PIP5K1B: variants seen among roughly 807,000 people sequenced by gnomAD.
PIP5K1B encodes phosphatidylinositol 4-phosphate 5-kinase type-1 beta.
In PIP5K1B, 42 loss-of-function variants were observed where a neutral mutation model predicts 67.0. The ratio of observed to expected loss-of-function variants is 0.63; its 90% CI spans 0.49 to 0.81. The LOEUF (loss-of-function observed/expected upper bound fraction) is 0.81, where lower values mean the gene tolerates loss of function less well. Among genes scored for constraint, PIP5K1B ranks in the 30% least tolerant of loss-of-function variants. The pLI is 0.00. For missense variants in PIP5K1B, 459 were observed against 646.3 expected, an observed-to-expected ratio of 0.71 and a Z score of 3.14; for synonymous variants, 214 against 231.4, an observed-to-expected ratio of 0.92 and a Z score of 0.68.
intron 15 of PIP5K1B, among the ~76,000 whole-genome samples, chr9:68,999,485 A>C (rs1420484329): frequency 6.6e-6 from 1 of 152,222 alleles, no homozygotes. Flanking sequence ...CAGGTAAATG[A>C]CTATATGAAC....
intron 4 of PIP5K1B, among the ~76,000 whole-genome samples, chr9:68,834,782 A>G (rs1327720867): frequency 6.6e-6 from 1 of 152,156 alleles, no homozygotes; most frequent in Admixed American, 6.5e-5. Flanking sequence ...CTGTTTCAAA[A>G]TGGTAGTGAT....
intron 14 of PIP5K1B, among the ~76,000 whole-genome samples, chr9:68,974,792 G>A (rs1031556958): frequency 3.9e-5 from 6 of 152,226 alleles, no homozygotes; most frequent in African/African-American, 1.2e-4. Flanking sequence ...CTGTGAGAGC[G>A]AAGCTGCTTT....
At chr9:68,997,300 G>T (rs1302874186) in intron 15 of PIP5K1B, among the ~76,000 whole-genome samples, 2 of 152,212 alleles carry the variant, frequency 1.3e-5, no homozygotes, top group African/African-American at 4.8e-5. Flanking sequence ...TTCTGGATTT[G>T]AATCCCTCAG....
intron 1 of PIP5K1B, among the ~76,000 whole-genome samples, chr9:68,715,265 A>T (rs919098012): frequency 2.6e-5 from 4 of 152,200 alleles, no homozygotes; most frequent in African/African-American, 9.6e-5. Context: ...AAGCACAGGG[A>T]TCTGCCCCAG....
intron 2 of PIP5K1B, among the ~76,000 whole-genome samples, chr9:68,773,908 T>C (rs948791160): frequency 3.9e-5 from 6 of 152,210 alleles, no homozygotes; most frequent in Admixed American, 2.0e-4. Flanking sequence ...AATAACCAAG[T>C]AAGTTCTTGG....
rs74595654 is a variant in PIP5K1B, at chr9:68,744,006, G to C, written c.-86+1349G>C. Among the ~76,000 whole-genome samples, 769 of 152,298 alleles carry C rather than the reference G, an allele frequency of 5.0e-3. 8 individuals are homozygous for C. The highest frequency in any genetic ancestry group is 0.018 in the African/African-American group (736 of 41,564). On this transcript the variant is annotated intron_variant, in intron 2 of 15. Transcript: ENST00000265382. ...CAGGAGGATCAGGGCTGAGCTTAGT[G>C]GGGGTTCTTGGTGATAGGGATTCCT...
At chr9:68,754,151 G>C (rs1254041186) in intron 2 of PIP5K1B, among the ~76,000 whole-genome samples, 1 of 135,470 alleles carries the variant, frequency 7.4e-6, no homozygotes, top group Non-Finnish European at 1.6e-5. Context: ...ATTAATTTAA[G>C]TCTTCTTTTA....
intron 2 of PIP5K1B, among the ~76,000 whole-genome samples, chr9:68,817,722 T>TTC (rs1277533662): frequency 2.0e-5 from 3 of 148,484 alleles, no homozygotes; most frequent in African/African-American, 7.4e-5. Flanking sequence ...CTTTTTTTTT[T>TTC]TTTTTTTTTT....
intron 4 of PIP5K1B, among the ~76,000 whole-genome samples, chr9:68,847,382 A>G (rs1295727878): frequency 7.0e-6 from 1 of 142,118 alleles, no homozygotes; most frequent in Non-Finnish European, 1.5e-5. Context: ...ATCCCCTCTC[A>G]TTCCCTAAAT....
chr9:68,874,135 G>GTATTATGCCTCCATTAAGTATT (rs1823761959), intron 5 of PIP5K1B, among the ~76,000 whole-genome samples: 1 of 152,122 alleles, frequency 6.6e-6, no homozygotes, highest in Non-Finnish European at 1.5e-5. Context: ...CATTCTGTAT[G>GTATTATGCCTCCATTAAGTATT]ATGCCTCCAT....
chr9:68,737,531 G>A (rs954022979), intron 1 of PIP5K1B, among the ~76,000 whole-genome samples: 1 of 152,168 alleles, frequency 6.6e-6, no homozygotes. Flanking sequence ...AGAAAATCCA[G>A]GTAATTTGAA....
chr9:68,936,198 C>G (rs1267606900), intron 13 of PIP5K1B, among the ~76,000 whole-genome samples: 1 of 151,804 alleles, frequency 6.6e-6, no homozygotes, highest in Non-Finnish European at 1.5e-5. Context: ...TCTTAACTTG[C>G]TGGTTAGGAC....
At chr9:68,967,310 G>C (rs942865662) in intron 14 of PIP5K1B, among the ~76,000 whole-genome samples, 41 of 152,174 alleles carry the variant, frequency 2.7e-4, no homozygotes, top group Non-Finnish European at 1.2e-4. Context: ...GAGTTTTCTA[G>C]AGCTTCCTTC....
At chr9:68,805,349 G>A (rs1420244607) in intron 2 of PIP5K1B, among the ~76,000 whole-genome samples, 1 of 152,218 alleles carries the variant, frequency 6.6e-6, no homozygotes. Context: ...CCACGAGAAG[G>A]TTGGGAGCAG....
chr9:68,771,075 C>T (rs1830652133), intron 2 of PIP5K1B, among the ~76,000 whole-genome samples: 2 of 152,126 alleles, frequency 1.3e-5, no homozygotes, highest in Admixed American at 6.5e-5. Flanking sequence ...GGGAGCAATC[C>T]TTACAGACTT....
intron 1 of PIP5K1B, among the ~76,000 whole-genome samples, chr9:68,722,678 TATATC>T (rs1827948487): frequency 6.6e-6 from 1 of 151,076 alleles, no homozygotes; most frequent in Non-Finnish European, 1.5e-5. Flanking sequence ...TTATTATTAG[TATATC>T]ATATAATATA....
At chr9:68,884,356 C>CAAA (rs538756433) in intron 6 of PIP5K1B, among the ~76,000 whole-genome samples, 24 of 120,662 alleles carry the variant, frequency 2.0e-4, no homozygotes, top group African/African-American at 6.3e-4. Flanking sequence ...ATACATTCCT[C>CAAA]AAAAAAAAAA....
At chr9:68,718,163 C>T in intron 1 of PIP5K1B, among the ~76,000 whole-genome samples, 1 of 152,146 alleles carries the variant, frequency 6.6e-6, no homozygotes, top group East Asian at 1.9e-4. Context: ...TAAAGACTCC[C>T]CTTGCAAAGT....
At chr9:68,867,735 C>T (rs769952882) in intron 5 of PIP5K1B, among the ~76,000 whole-genome samples, 1 of 152,270 alleles carries the variant, frequency 6.6e-6, no homozygotes, top group South Asian at 2.1e-4. Flanking sequence ...AATGCTTTCT[C>T]TCTAAGTATT....
Sources: gnomAD v4.1 joint callset for allele counts (sites outside exome capture counted in the v4.1 genomes callset) on GRCh38, gnomAD v4.1.1 for gene constraint, MANE v1.5 for transcripts, NCBI Gene and HGNC (gene_info 2026-07-23, HGNC 2026-07-21) for gene names.